The following LTO1 variants were observed in gnomAD, a reference collection of about 807,000 sequenced individuals.
LTO1 encodes LTO1 maturation factor of ABCE1.
LTO1 carries 18 observed loss-of-function variants against 19.8 expected under a neutral mutation model. The observed-to-expected ratio is 0.91, with a 90% CI of 0.63 to 1.35. LTO1 has a LOEUF of 1.35. LTO1 is among the 40% of genes most tolerant of loss of function. LTO1 has a pLI of 0.00. For missense variants in LTO1, 175 were observed against 167.9 expected, an observed-to-expected ratio of 1.04 and a Z score of -0.23; for synonymous variants, 59 against 59.6, an observed-to-expected ratio of 0.99 and a Z score of 0.05.
chr11:69,667,653 T>G, intron 4 of LTO1, 66 bp from the exon 5 acceptor site: 2 of 1,144,956 alleles, frequency 1.7e-6, no homozygotes, highest in Non-Finnish European at 2.7e-6. Context: ...AGAAGATAAC[T>G]CTATCTCTAG....
chr11:69,667,821 CG>C (rs768540704), intron 4 of LTO1, 73 bp downstream of exon 4: 3 of 861,094 alleles, frequency 3.5e-6, no homozygotes, highest in Admixed American at 3.5e-5. Context: ...GCAGCGGCCC[CG>C]GGAGTGCGCT....
rs558460446 is a variant in LTO1 at position 69,667,815 on chromosome 11, C to T, written c.345+80G>A. On this transcript the variant is annotated intron_variant, in intron 4 of 4. Coordinates refer to ENST00000279147, the MANE Select transcript of LTO1 (RefSeq NM_153451.3). The stretch of plus-strand genomic sequence containing the variant: ...ACGCAGCCCCAGGCCATTGCCGCAG[C>T]GGCCCCGGGAGTGCGCTGCCCCGCC... 6.6e-5 allele frequency: 55 copies of T among 834,474 alleles called. No individual in the cohort carries two copies. The African/African-American group carries it at 7.0e-4, about 11-fold the overall frequency. The allele number at this position is 834,474 out of a possible 1,614,324, so 51.7% of individuals were successfully genotyped here. A position where few individuals can be genotyped will look rare whatever the true frequency, so the allele number is the denominator to read the frequency against.
At chr11:69,671,919 G>A in intron 2 of LTO1, 100 bp from the exon 3 acceptor site, 1 of 757,162 alleles carries the variant, frequency 1.3e-6, no homozygotes, top group East Asian at 2.6e-5. Flanking sequence ...GAAGGCAGCG[G>A]TGCTTCTCAC....
intron 2 of LTO1, chr11:69,672,341 C>T (rs1252437403): frequency 6.2e-6 from 1 of 161,464 alleles, no homozygotes; most frequent in Non-Finnish European, 1.4e-5. Context: ...CAAAGCTGCT[C>T]CTGAGTTCCC....
chr11:69,671,598 T>C, intron 3 of LTO1, 151 bp downstream of exon 3: 1 of 625,616 alleles, frequency 1.6e-6, no homozygotes, highest in Non-Finnish European at 2.9e-6. Context: ...TTCCGTTAAA[T>C]CTCCTAACAA....
rs1328063414 is a variant in LTO1 at position 69,667,551 on chromosome 11, T to C, written c.382A>G (p.Ile128Val). 23 of 1,612,016 alleles carry C rather than the reference T, an allele frequency of 1.4e-5. No homozygotes were observed. The highest frequency in any genetic ancestry group is 2.7e-5 in the African/African-American group (2 of 74,906). The stretch of plus-strand genomic sequence containing the variant: ...GAAAGTCCGGAACCTTCTGCACTAA[T>C]TTTAAAGTCTGGCTGAACATTGAGT... ...SLLNVQPDFK[I>V]SAEGSGLSF Residue 128 changes from isoleucine (I) to valine (V), a missense_variant, in exon 5 of 5, where the codon ATT becomes GTT. Physicochemically the swap from Ile to Val is conservative, Grantham distance 29 (BLOSUM62 3). Transcript: ENST00000279147.
intron 4 of LTO1, 63 bp downstream of exon 4, chr11:69,667,832 T>C (rs753228687): frequency 4.7e-5 from 43 of 910,636 alleles, no homozygotes; most frequent in Admixed American, 8.6e-5. Context: ...GGGAGTGCGC[T>C]GCCCCGCCTG....
Position 69,667,560 on chromosome 11 carries a change from C to T in LTO1, c.373G>A (p.Asp125Asn), listed in dbSNP as rs747467020. 3.1e-6 allele frequency: 5 copies of T among 1,612,124 alleles called. No homozygotes were observed. The East Asian group carries it at 8.9e-5, about 29-fold the overall frequency. ...GAACCTTCTGCACTAATTTTAAAGT[C>T]TGGCTGAACATTGAGTAACGAACAA... ...QFCSLLNVQP[D>N]FKISAEGSGL... The change falls in exon 5 of 5, where the codon GAC becomes AAC. Residue 125 changes from aspartate to asparagine, a missense_variant. Physicochemically the swap from Asp to Asn is conservative, Grantham distance 23. Transcript: ENST00000279147.
intron 3 of LTO1, among the ~76,000 whole-genome samples, chr11:69,671,058 G>A (rs140050689): frequency 0.035 from 5,327 of 152,018 alleles, 335 homozygotes; most frequent in African/African-American, 0.12. Context: ...ATGGCACCAC[G>A]CCCGGCTAAT....
intron 4 of LTO1, 40 bp from the exon 5 acceptor site, chr11:69,667,627 T>C: frequency 4.3e-6 from 6 of 1,394,740 alleles, no homozygotes; most frequent in African/African-American, 1.4e-5. Context: ...ATCTTGTGCA[T>C]TTTTACTGAA....
Position 69,667,513 on chromosome 11 carries a change from T to A in LTO1, c.*6A>T. On this transcript the variant is annotated 3_prime_UTR_variant, in exon 5 of 5. Coordinates refer to ENST00000279147, the MANE Select transcript of LTO1 (RefSeq NM_153451.3). ...TCGACGTTCGGTCTCTGTTCATCCA[T>A]CCTCCTCAAAATGAAAGTCCGGAAC... The A allele has an allele frequency of 6.3e-7, 1 of 1,589,504 alleles. No homozygotes were observed. The highest frequency in any genetic ancestry group is 8.6e-7 in the Non-Finnish European group (1 of 1,157,466).
At chr11:69,675,139 G>T (rs61882809) in intron 1 of LTO1, 51 bp downstream of exon 1, 1 of 1,553,722 alleles carries the variant, frequency 6.4e-7, no homozygotes, top group Non-Finnish European at 8.8e-7. Context: ...CGGCGAAGCC[G>T]CTGGGAGACG....
intron 4 of LTO1, 58 bp downstream of exon 4, chr11:69,667,837 C>T (rs763720113): frequency 4.0e-5 from 38 of 944,010 alleles, no homozygotes; most frequent in Admixed American, 2.7e-4. Context: ...TGCGCTGCCC[C>T]GCCTGGGAAA....
chr11:69,667,741 T>C (rs1856052706), intron 4 of LTO1, 154 bp from the exon 5 acceptor site: 4 of 712,518 alleles, frequency 5.6e-6, no homozygotes, highest in Admixed American at 2.4e-5. Flanking sequence ...TCAGTTTTCC[T>C]GCACTGCGAC....
chr11:69,673,376 A>T, intron 1 of LTO1, 55 bp from the exon 2 acceptor site: 7 of 1,204,894 alleles, frequency 5.8e-6, no homozygotes, highest in Non-Finnish European at 7.4e-6. Flanking sequence ...TACTTTCTCC[A>T]GAAAAACTTC....
At position 69,673,162 on chromosome 11, in the gene LTO1, A is replaced by C. The variant is rs758598634; in HGVS notation, c.156+54T>G. The C allele has an allele frequency of 1.8e-5, 18 of 992,390 alleles. No homozygotes were observed. In the South Asian group the frequency reaches 2.3e-4, roughly 13 times the overall value. The allele number at this position is 992,390 out of a possible 1,614,324, so 61.5% of individuals were successfully genotyped here. ...CTCCATCACACTGAATATCGAAATA[A>C]ATTATAAATTGTAAATGAAGAGGCT... On this transcript the variant is annotated intron_variant, in intron 2 of 4. Coordinates refer to ENST00000279147, the MANE Select transcript of LTO1 (RefSeq NM_153451.3).
chr11:69,671,187 C>T (rs1211577316), intron 3 of LTO1, among the ~76,000 whole-genome samples: 2 of 152,180 alleles, frequency 1.3e-5, no homozygotes, highest in Non-Finnish European at 2.9e-5. Context: ...GAGTGAGCCA[C>T]TGCGCCCGGC....
chr11:69,667,363 A>G lies in LTO1; in HGVS notation c.*156T>C. The stretch of plus-strand genomic sequence containing the variant: ...GGCACCAAGGTGACACAGGCAGAAA[A>G]CCCCAGGGAAGGAAGCCCTCCCACG... On this transcript the variant is annotated 3_prime_UTR_variant, in exon 5 of 5. Transcript: ENST00000279147. The G allele has an allele frequency of 1.6e-6, 1 of 623,418 alleles. No homozygotes were observed. Among genetic ancestry groups the G allele is most frequent in the Non-Finnish European group, 2.9e-6 (1 of 347,846 alleles). The allele number at this position is 623,418 out of a possible 1,614,324, so 38.6% of individuals were successfully genotyped here. A position where few individuals can be genotyped will look rare whatever the true frequency, so the allele number is the denominator to read the frequency against.
chr11:69,670,172 C>A (rs1856089170), intron 3 of LTO1, among the ~76,000 whole-genome samples: 1 of 152,284 alleles, frequency 6.6e-6, no homozygotes, highest in South Asian at 2.1e-4. Context: ...CCCTCGTCAA[C>A]CAAAGCGGTT....
Sources: gnomAD v4.1 joint callset for allele counts (sites outside exome capture counted in the v4.1 genomes callset) on GRCh38, gnomAD v4.1.1 for gene constraint, MANE v1.5 for transcripts, NCBI Gene and HGNC (gene_info 2026-07-23, HGNC 2026-07-21) for gene names.